Variants in TNRC18 observed in about 807,000 individuals in gnomAD.
The protein encoded by TNRC18 is trinucleotide repeat-containing gene 18 protein.
A neutral mutation model predicts 226.7 loss-of-function variants in TNRC18; 69 were observed. The observed-to-expected ratio is 0.30, with a 90% confidence interval of 0.25 to 0.37. The LOEUF (loss-of-function observed/expected upper bound fraction) is 0.37. Ranked by LOEUF, TNRC18 falls within the 10% of genes least tolerant of loss-of-function variation. TNRC18 has a pLI of 1.00. For missense variants in TNRC18, 4,754 were observed against 4,256.6 expected (o/e 1.12, Z -3.25); for synonymous variants, 2,449 against 1,927.6 (o/e 1.27, Z -7.09).
intron 21 of TNRC18, among the ~76,000 whole-genome samples, chr7:5,322,158 G>C (rs1439837998): frequency 2.0e-5 from 3 of 151,826 alleles, no homozygotes; most frequent in African/African-American, 7.2e-5. Flanking sequence ...CACGCCTGTA[G>C]TCCCAGCTAC....
chr7:5,337,609 G>A (rs931682853), intron 18 of TNRC18, among the ~76,000 whole-genome samples: 3 of 152,114 alleles, frequency 2.0e-5, no homozygotes, highest in Admixed American at 1.3e-4. Flanking sequence ...AAAAGCAACA[G>A]AAATAATAAA....
In TNRC18 at chr7:5,309,449, A is replaced by T; in HGVS notation, c.8389-81T>A. On this transcript the variant is annotated intron_variant, in intron 27 of 29. Transcript: ENST00000430969. The surrounding 1 kb of genome is among the most constrained non-coding windows in gnomAD (Gnocchi z 5.7). Reference sequence around the variant, plus strand: ...CGCCTGGCAGGCTCTGCCGCTTGGGACTCTGGGCCCTCGGCCTCTAAATCA... The same window carrying T: ...CGCCTGGCAGGCTCTGCCGCTTGGGTCTCTGGGCCCTCGGCCTCTAAATCA... 1.5e-6 allele frequency: 2 copies of T among 1,295,914 alleles called. No individual in the cohort carries two copies. The highest frequency in any genetic ancestry group is 1.1e-6 in the Non-Finnish European group (1 of 939,862). 80.3% of individuals were successfully genotyped at this position (1,295,914 alleles called of 1,614,324 possible).
chr7:5,342,159 T>C (rs1310210368), intron 18 of TNRC18, among the ~76,000 whole-genome samples: 3 of 152,228 alleles, frequency 2.0e-5, no homozygotes, highest in Admixed American at 6.5e-5. Flanking sequence ...CCGGGTGCAG[T>C]GGCTCACGCC....
chr7:5,362,166 C>CAGTCAGGAGGTGGCAG, intron 12 of TNRC18, 133 bp from the exon 13 acceptor site: 2 of 1,102,292 alleles, frequency 1.8e-6, no homozygotes, highest in Non-Finnish European at 2.6e-6. Flanking sequence ...ACCGCTGCCA[C>CAGTCAGGAGGTGGCAG]CTCCTGACTG....
intron 18 of TNRC18, among the ~76,000 whole-genome samples, chr7:5,340,554 T>A (rs1236636294): frequency 2.1e-5 from 3 of 142,734 alleles, no homozygotes; most frequent in Non-Finnish European, 3.0e-5. Flanking sequence ...CTGGCCAACA[T>A]GGTGAAACCC....
rs1308538361 is a variant in TNRC18 at position 5,364,582 on chromosome 7, T to C, written c.4220-1757A>G. ...ACTTTGGGAGGCCGAGGCGGGTGGA[T>C]GGCTTGAGGCCAGGAGTCTGAAACC... On this transcript the variant is annotated intron_variant, in intron 11 of 29. Transcript: ENST00000430969. Among the ~76,000 whole-genome samples the C allele has an allele frequency of 2.6e-5, 4 of 151,760 alleles. No homozygotes were observed. In the East Asian group the frequency reaches 7.8e-4, roughly 30 times the overall value.
At chr7:5,400,551 G>A (rs1584076213) in intron 2 of TNRC18, among the ~76,000 whole-genome samples, 1 of 152,178 alleles carries the variant, frequency 6.6e-6, no homozygotes, top group Non-Finnish European at 1.5e-5. Context: ...GGTGGAAGGT[G>A]CAGTGAGCCG....
chr7:5,416,993 AT>A (rs1358855965), intron 2 of TNRC18, among the ~76,000 whole-genome samples: 5 of 15,960 alleles, frequency 3.1e-4, no homozygotes, highest in African/African-American at 6.6e-4. Flanking sequence ...TAAAAAAAAA[AT>A]TTTTTTTTAA....
intron 10 of TNRC18, among the ~76,000 whole-genome samples, chr7:5,373,665 G>T (rs532224708): frequency 6.6e-6 from 1 of 152,180 alleles, no homozygotes; most frequent in African/African-American, 2.4e-5. Flanking sequence ...GCAAGAGCGG[G>T]TGTGTGCATG....
At chr7:5,415,308 C>A (rs755921259) in intron 2 of TNRC18, among the ~76,000 whole-genome samples, 1 of 151,094 alleles carries the variant, frequency 6.6e-6, no homozygotes, top group Non-Finnish European at 1.5e-5. Flanking sequence ...TGATACAGCC[C>A]CTCACCTCTC....
chr7:5,405,737 C>CT (rs1240940338), intron 2 of TNRC18, among the ~76,000 whole-genome samples: 1 of 152,096 alleles, frequency 6.6e-6, no homozygotes, highest in Non-Finnish European at 1.5e-5. Context: ...GAGCAAGACT[C>CT]TGTCTCAAAA....
At chr7:5,333,825 C>T (rs1016113099) in intron 18 of TNRC18, among the ~76,000 whole-genome samples, 8 of 152,152 alleles carry the variant, frequency 5.3e-5, no homozygotes, top group African/African-American at 1.9e-4. Context: ...CCGGGAAGTC[C>T]TCTATGGCCG....
chr7:5,374,620 C>A (rs1794474023), intron 9 of TNRC18, 136 bp from the exon 10 acceptor site: 13 of 847,724 alleles, frequency 1.5e-5, no homozygotes, highest in Non-Finnish European at 1.7e-5. Context: ...GGCTGCCCAC[C>A]CCGTCCCAGG....
At chr7:5,340,382 A>C (rs1790566004) in intron 18 of TNRC18, among the ~76,000 whole-genome samples, 1 of 152,226 alleles carries the variant, frequency 6.6e-6, no homozygotes, top group South Asian at 2.1e-4. Context: ...GGTTGAGAGA[A>C]GTGAGGAAGC....
At chr7:5,337,934 G>A (rs1445139940) in intron 18 of TNRC18, among the ~76,000 whole-genome samples, 1 of 152,076 alleles carries the variant, frequency 6.6e-6, no homozygotes, top group African/African-American at 2.4e-5. Context: ...AGTGAGCCAA[G>A]ATCACGCCAC....
intron 2 of TNRC18, among the ~76,000 whole-genome samples, chr7:5,408,350 G>A (rs1042782027): frequency 1.3e-5 from 2 of 151,142 alleles, no homozygotes; most frequent in Admixed American, 6.6e-5. Context: ...GAAGTGGAAA[G>A]GAGGAAACAT....
chr7:5,365,965 G>A (rs1325179729), intron 11 of TNRC18, among the ~76,000 whole-genome samples: 1 of 152,160 alleles, frequency 6.6e-6, no homozygotes, highest in Non-Finnish European at 1.5e-5. Flanking sequence ...CAGCTACTCA[G>A]GAGGCTGAGG....
chr7:5,332,850 C>G lies in TNRC18; in HGVS notation c.5919G>C (p.Lys1973Asn), dbSNP rs1166969460. Residue 1973 changes from lysine (K) to asparagine (N), a missense_variant, in exon 19 of 30, where the codon AAG (lysine) becomes AAC (asparagine). Transcript: ENST00000430969. ...LAVEKGRKAR[K>N]LRGPKEPGFE... ...AGCCAGGCTCCTTGGGGCCCCGCAGCTTCCGGGCCTTGCGCCCCTTCTCCA... is the reference window on the plus strand; with the variant it reads ...AGCCAGGCTCCTTGGGGCCCCGCAGGTTCCGGGCCTTGCGCCCCTTCTCCA... The G allele has an allele frequency of 1.3e-6, 2 of 1,509,060 alleles. No homozygotes were observed. Among genetic ancestry groups the G allele is most frequent in the Non-Finnish European group, 1.8e-6 (2 of 1,138,108 alleles). 93.5% of individuals were successfully genotyped at this position (1,509,060 alleles called of 1,614,324 possible).
In TNRC18 at chr7:5,315,980, G is replaced by A. The variant is rs982821819; in HGVS notation, c.6838C>T (p.Leu2280=). Residue 2280 remains leucine (L), a synonymous_variant, in exon 25 of 30, where the codon CTG becomes TTG. Transcript: ENST00000430969. ...GRIPLSHIRL[L]PPDYKIQCAE... is the part of the protein sequence containing the mutation. ...CACTGTATCTTATAGTCAGGGGGCA[G>A]GAGGCGGATATGTGAGAGGGGGATC... The A allele has an allele frequency of 8.1e-6, 13 of 1,598,746 alleles. No individual in the cohort carries two copies. Among genetic ancestry groups the A allele is most frequent in the East Asian group, 2.3e-5 (1 of 43,212 alleles).
Sources: gnomAD v4.1 joint callset for allele counts (sites outside exome capture counted in the v4.1 genomes callset) on GRCh38, gnomAD v4.1.1 for gene constraint, Gnocchi (gnomAD v3.1) non-coding constraint, MANE v1.5 for transcripts, NCBI Gene and HGNC (gene_info 2026-07-23, HGNC 2026-07-21) for gene names.